The following DCDC1 variants were observed in gnomAD, a reference collection of about 807,000 sequenced individuals.
DCDC1 encodes the protein doublecortin domain containing 1, also known as doublecortin domain-containing protein 1.
Under a neutral mutation model 178.3 loss-of-function variants are expected in DCDC1, and 200 were observed. The observed-to-expected ratio is 1.12, with a 90% CI of 1.00 to 1.26. DCDC1 has a LOEUF of 1.26. Among genes scored for constraint, DCDC1 ranks in the 50% most tolerant of loss-of-function variants. The pLI, the probability that DCDC1 is intolerant of heterozygous loss-of-function variation, is 0.00. For missense variants in DCDC1, 1,983 were observed against 1,749.2 expected, an observed-to-expected ratio of 1.13 and a Z score of -2.38; for synonymous variants, 690 against 604.8, an observed-to-expected ratio of 1.14 and a Z score of -2.07.
At chr11:31,283,477 T>G (rs1946596614) in intron 7 of DCDC1, among the ~76,000 whole-genome samples, 1 of 150,662 alleles carries the variant, frequency 6.6e-6, no homozygotes, top group African/African-American at 2.5e-5. Flanking sequence ...TATATTCATG[T>G]TTTTTTTTAA....
intron 1 of DCDC1, among the ~76,000 whole-genome samples, chr11:31,347,208 C>T (rs1564914745): frequency 6.6e-6 from 1 of 152,168 alleles, no homozygotes; most frequent in Non-Finnish European, 1.5e-5. Context: ...TTGGGACTTG[C>T]TTAGCTCTCC....
intron 37 of DCDC1, among the ~76,000 whole-genome samples, chr11:30,880,255 C>G (rs1219476762): frequency 6.6e-6 from 1 of 152,114 alleles, no homozygotes; most frequent in Non-Finnish European, 1.5e-5. Context: ...AGGACTGGCA[C>G]CTCATCCATA....
chr11:31,281,468 G>A (rs1565543763), intron 7 of DCDC1, among the ~76,000 whole-genome samples: 1 of 151,762 alleles, frequency 6.6e-6, no homozygotes, highest in African/African-American at 2.4e-5. Context: ...TTTAATAAGT[G>A]AATATTAAAT....
At chr11:31,144,667 CT>C (rs1173907434) in intron 9 of DCDC1, among the ~76,000 whole-genome samples, 9 of 152,122 alleles carry the variant, frequency 5.9e-5, no homozygotes, top group East Asian at 3.9e-4. Flanking sequence ...TAATATTGAA[CT>C]TTTTTTCTAT....
At chr11:31,219,559 C>T (rs754900719) in intron 9 of DCDC1, among the ~76,000 whole-genome samples, 1 of 151,930 alleles carries the variant, frequency 6.6e-6, no homozygotes, top group African/African-American at 2.4e-5. Context: ...AGAAAGATGA[C>T]CAAAGAGTTA....
At chr11:31,116,225 A>G (rs1237284221) in intron 11 of DCDC1, among the ~76,000 whole-genome samples, 2 of 80,792 alleles carry the variant, frequency 2.5e-5, no homozygotes, top group African/African-American at 8.0e-5. Context: ...ATTTTTAACT[A>G]TAGATATCAA....
At chr11:30,943,202 A>ATC (rs1322488577) in intron 21 of DCDC1, 12 of 149,138 alleles carry the variant, frequency 8.0e-5, no homozygotes, top group Admixed American at 7.4e-4. Context: ...TTTTTTTTTT[A>ATC]TCTCTCTCTC....
chr11:31,185,819 T>C (rs1253575266), intron 9 of DCDC1, among the ~76,000 whole-genome samples: 1 of 152,166 alleles, frequency 6.6e-6, no homozygotes, highest in African/African-American at 2.4e-5. Context: ...AGGAACAGCT[T>C]AGAACTTTAA....
chr11:31,098,180 C>A (rs998072804), intron 15 of DCDC1, among the ~76,000 whole-genome samples: 1 of 152,172 alleles, frequency 6.6e-6, no homozygotes, highest in Non-Finnish European at 1.5e-5. Context: ...CATAACCAGG[C>A]ATTCCTAAAG....
intron 1 of DCDC1, among the ~76,000 whole-genome samples, chr11:31,346,463 CAAAAAA>C (rs377761189): frequency 1.2e-5 from 1 of 83,748 alleles, no homozygotes; most frequent in African/African-American, 4.9e-5. Flanking sequence ...GACTCCGTCT[CAAAAAA>C]AAAAAAAAAA....
chr11:31,116,453 C>T (rs1249976970), intron 11 of DCDC1, among the ~76,000 whole-genome samples: 1 of 151,926 alleles, frequency 6.6e-6, no homozygotes, highest in Non-Finnish European at 1.5e-5. Flanking sequence ...CAGAAAATCA[C>T]TTCTAACTCA....
At chr11:31,326,652 T>C (rs1949664660) in intron 3 of DCDC1, among the ~76,000 whole-genome samples, 1 of 152,154 alleles carries the variant, frequency 6.6e-6, no homozygotes, top group Non-Finnish European at 1.5e-5. Flanking sequence ...ATACTGCTAA[T>C]ATGCACTTAT....
intron 21 of DCDC1, among the ~76,000 whole-genome samples, chr11:30,941,778 A>C (rs1309183352): frequency 6.6e-6 from 1 of 152,210 alleles, no homozygotes; most frequent in Non-Finnish European, 1.5e-5. Flanking sequence ...TGTGAAGATT[A>C]CTGAAAAAGC....
At chr11:31,193,196 T>G (rs897671431) in intron 9 of DCDC1, among the ~76,000 whole-genome samples, 1 of 152,076 alleles carries the variant, frequency 6.6e-6, no homozygotes, top group Non-Finnish European at 1.5e-5. Context: ...TTTTCCTCCA[T>G]ATTAACAGAA....
intron 20 of DCDC1, among the ~76,000 whole-genome samples, chr11:31,061,713 A>G (rs1955931644): frequency 6.6e-6 from 1 of 152,118 alleles, no homozygotes; most frequent in South Asian, 2.1e-4. Context: ...TTGACTAAAA[A>G]AGCATAAATC....
chr11:30,924,147 T>A (rs1223289547), intron 23 of DCDC1, among the ~76,000 whole-genome samples: 1 of 152,226 alleles, frequency 6.6e-6, no homozygotes, highest in African/African-American at 2.4e-5. Flanking sequence ...TTGTATTGTA[T>A]GATTTAATGT....
chr11:30,935,038 T>C (rs920995580), intron 21 of DCDC1, among the ~76,000 whole-genome samples: 3 of 152,204 alleles, frequency 2.0e-5, no homozygotes, highest in Non-Finnish European at 2.9e-5. Context: ...TGACAGCCCC[T>C]AACCCATATA....
chr11:30,897,582 CAAAAAA>C (rs35815662), intron 34 of DCDC1, among the ~76,000 whole-genome samples: 9 of 72,956 alleles, frequency 1.2e-4, no homozygotes, highest in Non-Finnish European at 2.3e-4. Flanking sequence ...GACTCCGTCT[CAAAAAA>C]AAAAAAAAAA....
intron 34 of DCDC1, among the ~76,000 whole-genome samples, chr11:30,898,255 TATG>T (rs1404588532): frequency 1.3e-5 from 2 of 152,198 alleles, no homozygotes; most frequent in Admixed American, 6.6e-5. Flanking sequence ...CGCATTTTTG[TATG>T]ATAACTTCAA....
Sources: allele counts gnomAD v4.1 joint callset (sites outside exome capture counted in the v4.1 genomes callset), GRCh38; gene constraint gnomAD v4.1.1; transcripts MANE v1.5; gene names NCBI Gene and HGNC (gene_info 2026-07-23, HGNC 2026-07-21).